CSMD1: variants seen among roughly 807,000 people sequenced by gnomAD.
The protein encoded by CSMD1 is CUB and sushi domain-containing protein 1.
CSMD1 carries 213 observed loss-of-function variants against 417.5 expected under a neutral mutation model. The observed-to-expected ratio is 0.51, with a 90% CI of 0.46 to 0.57. The LOEUF is 0.57. Among genes scored for constraint, CSMD1 ranks in the 20% least tolerant of loss-of-function variants. The pLI is 0.00. For missense variants in CSMD1, 6,923 were observed against 4,529.7 expected, an observed-to-expected ratio of 1.53 and a Z score of -15.17; for synonymous variants, 2,862 against 1,736.8, an observed-to-expected ratio of 1.65 and a Z score of -16.11.
At chr8:3,803,082 A>G (rs893611135) in intron 5 of CSMD1, among the ~76,000 whole-genome samples, 2 of 152,192 alleles carry the variant, frequency 1.3e-5, no homozygotes, top group African/African-American at 2.4e-5. Flanking sequence ...CTTTTGGTCT[A>G]TCTCTATCAA....
intron 46 of CSMD1, among the ~76,000 whole-genome samples, chr8:3,104,563 T>G (rs896793379): frequency 6.6e-6 from 1 of 152,166 alleles, no homozygotes; most frequent in East Asian, 1.9e-4. Flanking sequence ...TCTAAGTTAT[T>G]ATGGATATCT....
At chr8:4,063,503 G>C (rs2554701) in intron 3 of CSMD1, among the ~76,000 whole-genome samples, 1,744 of 152,204 alleles carry the variant, frequency 0.011, 33 homozygotes, top group African/African-American at 0.037. Context: ...AAACAAAACA[G>C]AACTATTCTG....
intron 68 of CSMD1, among the ~76,000 whole-genome samples, chr8:2,948,813 T>C (rs1473972084): frequency 6.6e-6 from 1 of 152,132 alleles, no homozygotes; most frequent in African/African-American, 2.4e-5. Context: ...AAATTAAACA[T>C]GAGCATCTTT....
At chr8:4,631,396 T>TTC (rs1802504267) in intron 2 of CSMD1, among the ~76,000 whole-genome samples, 1 of 144,874 alleles carries the variant, frequency 6.9e-6, no homozygotes, top group African/African-American at 2.7e-5. Context: ...ATACCTTGGT[T>TTC]TGTTTTTTTT....
At chr8:3,423,842 T>C (rs1415809030) in intron 12 of CSMD1, among the ~76,000 whole-genome samples, 3 of 152,238 alleles carry the variant, frequency 2.0e-5, no homozygotes, top group Non-Finnish European at 4.4e-5. Flanking sequence ...ACAACTGGGA[T>C]GGTGGAAGTC....
chr8:3,427,194 A>C (rs186929373), intron 12 of CSMD1, among the ~76,000 whole-genome samples: 1 of 152,290 alleles, frequency 6.6e-6, no homozygotes, highest in East Asian at 1.9e-4. Flanking sequence ...GACTCAGCCA[A>C]ACTATATCAC....
At chr8:3,884,607 G>A (rs1224183104) in intron 5 of CSMD1, among the ~76,000 whole-genome samples, 1 of 152,128 alleles carries the variant, frequency 6.6e-6, no homozygotes, top group Non-Finnish European at 1.5e-5. Flanking sequence ...GAAGTCATTT[G>A]TTCTGATTTG....
At chr8:3,214,351 C>T (rs1317189483) in intron 30 of CSMD1, 146 bp downstream of exon 30, 1 of 657,696 alleles carries the variant, frequency 1.5e-6, no homozygotes, top group African/African-American at 1.8e-5. Flanking sequence ...CAATGAATGA[C>T]TGATATTCGT....
chr8:3,338,284 G>A (rs1030437522), intron 23 of CSMD1, among the ~76,000 whole-genome samples: 5 of 152,200 alleles, frequency 3.3e-5, no homozygotes, highest in Admixed American at 6.5e-5. Context: ...TTAGTCATGC[G>A]TGGGTGCTGG....
chr8:4,081,621 G>C (rs566408355), intron 3 of CSMD1, among the ~76,000 whole-genome samples: 18 of 151,976 alleles, frequency 1.2e-4, no homozygotes, highest in South Asian at 6.2e-4. Flanking sequence ...TTTTTTGAAG[G>C]ACAAATGGAG....
At chr8:3,982,891 C>G (rs937637966) in intron 5 of CSMD1, among the ~76,000 whole-genome samples, 2 of 152,200 alleles carry the variant, frequency 1.3e-5, no homozygotes, top group African/African-American at 4.8e-5. Flanking sequence ...GTTTCCTACC[C>G]TTGCCTTTAC....
chr8:4,031,027 T>C (rs558617946), intron 4 of CSMD1, among the ~76,000 whole-genome samples: 3 of 152,316 alleles, frequency 2.0e-5, no homozygotes, highest in South Asian at 2.1e-4. Flanking sequence ...CAGGATTTCA[T>C]TGTCCATATC....
chr8:3,605,834 T>G (rs1801585604), intron 8 of CSMD1, among the ~76,000 whole-genome samples: 1 of 152,208 alleles, frequency 6.6e-6, no homozygotes, highest in African/African-American at 2.4e-5. Flanking sequence ...TGACTCTAAT[T>G]TTAATTGTTA....
Position 4,093,691 on chromosome 8 carries a change from AG to A in CSMD1, c.416-61593del, listed in dbSNP as rs1217016721. Among the ~76,000 whole-genome samples, 3 of 152,158 alleles carry A rather than the reference AG, an allele frequency of 2.0e-5. No homozygotes were observed. In the East Asian group the frequency reaches 5.8e-4, roughly 29 times the overall value. On this transcript the variant is annotated intron_variant, in intron 3 of 69. Coordinates refer to ENST00000635120, the MANE Select transcript of CSMD1 (RefSeq NM_033225.6). ...AAAGCAACAGAACGGCCGGGTGCAG[AG>A]GCTCACAACTGTAATTTCGGCACTT... is the stretch of plus-strand genomic sequence containing the variant.
intron 3 of CSMD1, among the ~76,000 whole-genome samples, chr8:4,269,077 G>A (rs1021411228): frequency 6.6e-6 from 1 of 152,148 alleles, no homozygotes; most frequent in Non-Finnish European, 1.5e-5. Flanking sequence ...TTGTTTTTGA[G>A]ACGGAGTCTC....
chr8:4,044,597 G>T (rs1043799683), intron 3 of CSMD1, among the ~76,000 whole-genome samples: 2 of 152,154 alleles, frequency 1.3e-5, no homozygotes, highest in South Asian at 4.1e-4. Flanking sequence ...TTAAATCCGG[G>T]TCTCATTTTC....
chr8:4,058,441 C>A (rs1211777265), intron 3 of CSMD1, among the ~76,000 whole-genome samples: 1 of 152,076 alleles, frequency 6.6e-6, no homozygotes, highest in Non-Finnish European at 1.5e-5. Flanking sequence ...TCGGCTGGGA[C>A]AATGGGGTTT....
chr8:3,776,821 T>C (rs1412842931), intron 5 of CSMD1, among the ~76,000 whole-genome samples: 1 of 151,136 alleles, frequency 6.6e-6, no homozygotes, highest in Non-Finnish European at 1.5e-5. Flanking sequence ...TATATATATA[T>C]ATACAGATGA....
intron 3 of CSMD1, among the ~76,000 whole-genome samples, chr8:4,273,534 C>G (rs1804732358): frequency 6.6e-6 from 1 of 152,078 alleles, no homozygotes; most frequent in East Asian, 1.9e-4. Flanking sequence ...ATTCTATTAA[C>G]TTCAATTTTC....
Sources: allele counts gnomAD v4.1 joint callset (sites outside exome capture counted in the v4.1 genomes callset), GRCh38; gene constraint gnomAD v4.1.1; transcripts MANE v1.5; gene names NCBI Gene and HGNC (gene_info 2026-07-23, HGNC 2026-07-21).